The following PHACTR3 variants were observed in gnomAD, a reference collection of about 807,000 sequenced individuals.
PHACTR3 encodes the protein phosphatase and actin regulator 3.
A neutral mutation model predicts 66.8 loss-of-function variants in PHACTR3; 16 were observed. The ratio of observed to expected loss-of-function variants is 0.24; its 90% confidence interval spans 0.16 to 0.36. The LOEUF (loss-of-function observed/expected upper bound fraction) is 0.36. PHACTR3 is among the 10% of genes least tolerant of loss of function. The probability of loss-of-function intolerance (pLI) is 1.00; values close to 1 mark genes in which losing one functional copy is unlikely to be tolerated. For missense variants in PHACTR3, 647 were observed against 719.9 expected (o/e 0.90, Z 1.16); for synonymous variants, 323 against 292.1 (o/e 1.11, Z -1.08).
intron 1 of PHACTR3, among the ~76,000 whole-genome samples, chr20:59,597,193 G>A (rs1363679036): frequency 6.6e-6 from 1 of 152,208 alleles, no homozygotes; most frequent in Non-Finnish European, 1.5e-5. Flanking sequence ...CCCTGTCTGA[G>A]CCTCAACTTC....
At chr20:59,733,843 C>G (rs2038851175) in intron 1 of PHACTR3, among the ~76,000 whole-genome samples, 1 of 152,172 alleles carries the variant, frequency 6.6e-6, no homozygotes. Context: ...GAGCCTGTTG[C>G]ACAGCAAATG....
intron 1 of PHACTR3, among the ~76,000 whole-genome samples, chr20:59,733,477 A>T (rs1182464): frequency 0.71 from 108,650 of 152,062 alleles, 39,907 homozygotes; most frequent in Non-Finnish European, 0.79. Context: ...CTTCCGTGTG[A>T]GGTTATTGTA....
chr20:59,624,920 C>T (rs1026105724), intron 1 of PHACTR3, among the ~76,000 whole-genome samples: 4 of 152,098 alleles, frequency 2.6e-5, no homozygotes, highest in Admixed American at 2.0e-4. Flanking sequence ...ATACTTTATT[C>T]CAACATCCTT....
chr20:59,705,276 A>G (rs1460305654), intron 1 of PHACTR3, among the ~76,000 whole-genome samples: 1 of 152,200 alleles, frequency 6.6e-6, no homozygotes, highest in Non-Finnish European at 1.5e-5. Flanking sequence ...AGAATTTTAA[A>G]GTCAATATAA....
chr20:59,796,458 C>T (rs1320310883), intron 7 of PHACTR3, among the ~76,000 whole-genome samples: 3 of 152,096 alleles, frequency 2.0e-5, no homozygotes, highest in Admixed American at 6.5e-5. Flanking sequence ...GAGTTTTATA[C>T]TTTCACATGT....
intron 1 of PHACTR3, among the ~76,000 whole-genome samples, chr20:59,630,542 T>C (rs1472129285): frequency 6.6e-6 from 1 of 152,234 alleles, no homozygotes; most frequent in Non-Finnish European, 1.5e-5. Flanking sequence ...CAAGTTTTCA[T>C]TTTAAACTTT....
At chr20:59,580,464 G>A (rs1359056113) in intron 1 of PHACTR3, among the ~76,000 whole-genome samples, 2 of 152,116 alleles carry the variant, frequency 1.3e-5, no homozygotes, top group African/African-American at 4.8e-5. Flanking sequence ...TCTGGGGCCA[G>A]GGCTGCATTA....
intron 1 of PHACTR3, among the ~76,000 whole-genome samples, chr20:59,705,736 G>T (rs913610024): frequency 6.6e-6 from 1 of 152,150 alleles, no homozygotes; most frequent in African/African-American, 2.4e-5. Context: ...TCTGTCTGTG[G>T]AGAAGGCTTG....
chr20:59,812,887 C>T (rs913337467), intron 8 of PHACTR3, among the ~76,000 whole-genome samples: 3 of 152,118 alleles, frequency 2.0e-5, no homozygotes, highest in Non-Finnish European at 2.9e-5. Context: ...GATGAGGAGA[C>T]TGGGCAGAGA....
intron 1 of PHACTR3, among the ~76,000 whole-genome samples, chr20:59,656,943 G>A (rs562386248): frequency 2.0e-4 from 31 of 151,468 alleles, no homozygotes; most frequent in Non-Finnish European, 2.8e-4. Flanking sequence ...TCATTTTTGC[G>A]CTATAATTTT....
chr20:59,699,846 C>A (rs1911989173), intron 1 of PHACTR3, among the ~76,000 whole-genome samples: 1 of 152,130 alleles, frequency 6.6e-6, no homozygotes, highest in Non-Finnish European at 1.5e-5. Context: ...CCTGTAATCC[C>A]AGCTACTCAG....
chr20:59,800,026 G>A (rs976810484), intron 7 of PHACTR3, among the ~76,000 whole-genome samples: 2 of 151,936 alleles, frequency 1.3e-5, no homozygotes, highest in Admixed American at 6.6e-5. Flanking sequence ...TCTTATCACT[G>A]CCTACCTCAA....
intron 1 of PHACTR3, among the ~76,000 whole-genome samples, chr20:59,705,795 A>G (rs1358780915): frequency 1.3e-5 from 2 of 152,322 alleles, no homozygotes; most frequent in Middle Eastern, 3.4e-3. Context: ...CTGTGAGCCC[A>G]AGAATGAAGG....
In PHACTR3 at chr20:59,755,316, G is replaced by A; in HGVS notation, c.493G>A (p.Val165Ile). The A allele has an allele frequency of 1.9e-6, 3 of 1,612,536 alleles. No individual in the cohort carries two copies. The highest frequency in any genetic ancestry group is 1.3e-5 in the African/African-American group (1 of 75,044). Reference protein sequence around the residue: ...GSPLATGTDQVSLDKPLSSAA... With the variant: ...GSPLATGTDQISLDKPLSSAA... ...CCCCTTGGCCACTGGGACGGACCAG[G>A]TCTCCCTGGACAAGCCACTGTCCTC... The change falls in exon 4 of 13, where the codon GTC (valine) becomes ATC (isoleucine). Residue 165 changes from valine (V) to isoleucine (I), a missense_variant. Around this residue, in one of 2 missense-constraint regions of PHACTR3, gnomAD observed 577 missense variants for 571.1 expected, o/e 1.01. Coordinates refer to ENST00000371015, the MANE Select transcript of PHACTR3 (RefSeq NM_080672.5).
chr20:59,709,485 T>A (rs2037835784), intron 1 of PHACTR3, among the ~76,000 whole-genome samples: 1 of 152,206 alleles, frequency 6.6e-6, no homozygotes, highest in Non-Finnish European at 1.5e-5. Flanking sequence ...GCCAGGGTTT[T>A]TTTTCCAATC....
chr20:59,744,503 G>T (rs1022355500), intron 2 of PHACTR3, among the ~76,000 whole-genome samples: 10 of 152,304 alleles, frequency 6.6e-5, no homozygotes, highest in African/African-American at 2.4e-4. Flanking sequence ...GCCTCGGGGG[G>T]TCCCTGGGGT....
At chr20:59,647,837 C>G (rs1054862065) in intron 1 of PHACTR3, among the ~76,000 whole-genome samples, 7 of 152,298 alleles carry the variant, frequency 4.6e-5, no homozygotes, top group African/African-American at 1.7e-4. Flanking sequence ...AGGTGCTTGG[C>G]CTTTCTTGGC....
chr20:59,844,225 T>C (rs2059113417), intron 11 of PHACTR3: 1 of 152,102 alleles, frequency 6.6e-6, no homozygotes, highest in African/African-American at 2.4e-5. Context: ...GGAATGTAAA[T>C]TAATGCAGCC....
chr20:59,642,923 T>G lies in PHACTR3; in HGVS notation c.118+37791T>G, dbSNP rs577023684. Reference sequence around the variant, plus strand: ...CTTGTTTTTTGTTTGTTTGTTTGTTTGTTTTTGAGACAGAGTCTCACTCTG... The same window carrying G: ...CTTGTTTTTTGTTTGTTTGTTTGTTGGTTTTTGAGACAGAGTCTCACTCTG... On this transcript the variant is annotated intron_variant, in intron 1 of 12. Coordinates refer to ENST00000371015, the MANE Select transcript of PHACTR3 (RefSeq NM_080672.5). 3.5e-3 allele frequency among the ~76,000 whole-genome samples: 528 copies of G among 152,252 alleles called. 4 individuals carry two copies. The highest frequency in any genetic ancestry group is 0.012 in the African/African-American group (513 of 41,548).
Sources: allele counts gnomAD v4.1 joint callset (sites outside exome capture counted in the v4.1 genomes callset), GRCh38; gene constraint gnomAD v4.1.1; regional missense constraint gnomAD v4.1.1; transcripts MANE v1.5; gene names NCBI Gene and HGNC (gene_info 2026-07-23, HGNC 2026-07-21).